NRXN3: variants seen among roughly 807,000 people sequenced by gnomAD.
NRXN3 encodes neurexin III.
NRXN3 carries 32 observed loss-of-function variants against 137.6 expected under a neutral mutation model. The ratio of observed to expected loss-of-function variants is 0.23; its 90% confidence interval spans 0.18 to 0.31. The LOEUF is 0.31. Among genes scored for constraint, NRXN3 ranks in the 10% least tolerant of loss-of-function variants. The pLI is 1.00. For synonymous variants in NRXN3, 798 were observed against 784.5 expected (o/e 1.02, Z -0.29); for missense variants, 1,574 against 2,062.5 (o/e 0.76, Z 4.59).
intron 10 of NRXN3, among the ~76,000 whole-genome samples, chr14:78,828,881 CAG>C (rs1378873879): frequency 6.6e-6 from 1 of 152,084 alleles, no homozygotes; most frequent in Non-Finnish European, 1.5e-5. Flanking sequence ...TAAAATTAAA[CAG>C]AGTAAAGTAA....
intron 15 of NRXN3, among the ~76,000 whole-genome samples, chr14:79,352,582 A>G (rs2093262449): frequency 6.6e-6 from 1 of 152,168 alleles, no homozygotes; most frequent in Non-Finnish European, 1.5e-5. Flanking sequence ...ACTTGGTTAT[A>G]CAATGGCCAA....
chr14:79,705,114 G>T, intron 19 of NRXN3, among the ~76,000 whole-genome samples: 1 of 152,114 alleles, frequency 6.6e-6, no homozygotes, highest in East Asian at 1.9e-4. Flanking sequence ...TTACAGGATG[G>T]AATTTCCACC....
At chr14:79,685,248 C>A (rs533248784) in intron 17 of NRXN3, among the ~76,000 whole-genome samples, 3 of 152,118 alleles carry the variant, frequency 2.0e-5, no homozygotes, top group Non-Finnish European at 4.4e-5. Flanking sequence ...TTAATTCTCA[C>A]CGCAATCCCA....
intron 15 of NRXN3, among the ~76,000 whole-genome samples, chr14:79,464,632 A>G (rs985425315): frequency 4.6e-5 from 7 of 152,148 alleles, no homozygotes; most frequent in African/African-American, 1.7e-4. Context: ...CTTTGTTTTC[A>G]TTCTGCTTTA....
chr14:79,418,604 A>T (rs1759742754), intron 15 of NRXN3, among the ~76,000 whole-genome samples: 2 of 152,154 alleles, frequency 1.3e-5, no homozygotes, highest in African/African-American at 4.8e-5. Context: ...GTGCATCAAC[A>T]CCTGCCCTTG....
intron 2 of NRXN3, among the ~76,000 whole-genome samples, chr14:78,264,733 G>A (rs76474645): frequency 0.01 from 1,578 of 152,306 alleles, 31 homozygotes; most frequent in African/African-American, 0.036. Context: ...GGGGATATTA[G>A]TGTTGTCTAA....
chr14:79,612,658 G>A (rs897410757), intron 16 of NRXN3, among the ~76,000 whole-genome samples: 3 of 152,108 alleles, frequency 2.0e-5, no homozygotes, highest in Non-Finnish European at 4.4e-5. Context: ...AGACCATCCT[G>A]GGCAACACAG....
intron 15 of NRXN3, among the ~76,000 whole-genome samples, chr14:79,011,398 A>AC (rs2099570973): frequency 1.0e-4 from 1 of 9,774 alleles, no homozygotes; most frequent in Non-Finnish European, 2.2e-4. Context: ...ACCTCCCCCC[A>AC]ACCCCACCCC....
intron 3 of NRXN3, among the ~76,000 whole-genome samples, chr14:78,293,201 C>T (rs7144451): frequency 0.16 from 24,819 of 151,908 alleles, 2,121 homozygotes; most frequent in Middle Eastern, 0.26. Flanking sequence ...AATATTTCCC[C>T]ACTCCTCCCA....
chr14:78,191,120 C>T (rs1282201260), intron 1 of NRXN3, among the ~76,000 whole-genome samples: 1 of 152,150 alleles, frequency 6.6e-6, no homozygotes, highest in Non-Finnish European at 1.5e-5. Flanking sequence ...TTGGATAGAG[C>T]TGTAAAACCA....
intron 4 of NRXN3, among the ~76,000 whole-genome samples, chr14:78,341,520 C>T (rs1183365178): frequency 6.6e-6 from 1 of 152,084 alleles, no homozygotes; most frequent in Non-Finnish European, 1.5e-5. Context: ...AAAAAATGAG[C>T]GTGACTGTGT....
At chr14:78,851,084 A>C (rs2152485477) in intron 10 of NRXN3, among the ~76,000 whole-genome samples, 1 of 152,284 alleles carries the variant, frequency 6.6e-6, no homozygotes, top group Middle Eastern at 3.4e-3. Flanking sequence ...GAGAAATATG[A>C]AGTAGGAAAT....
chr14:79,279,735 C>T (rs1023996197), intron 15 of NRXN3: 93 of 987,286 alleles, frequency 9.4e-5, no homozygotes, highest in Non-Finnish European at 1.1e-4. Flanking sequence ...CAGGAACACC[C>T]GAAGAACTCT....
At chr14:79,066,193 A>T (rs1187301124) in intron 15 of NRXN3, among the ~76,000 whole-genome samples, 1 of 152,120 alleles carries the variant, frequency 6.6e-6, no homozygotes, top group Non-Finnish European at 1.5e-5. Flanking sequence ...GCCCAGTTTC[A>T]GTTTTCTGCA....
At chr14:78,958,683 T>A (rs2099402091) in intron 11 of NRXN3, among the ~76,000 whole-genome samples, 1 of 152,194 alleles carries the variant, frequency 6.6e-6, no homozygotes, top group African/African-American at 2.4e-5. Flanking sequence ...AAGTCTTCCC[T>A]CTCTGATATT....
At chr14:79,054,759 TA>T (rs1418918541) in intron 15 of NRXN3, among the ~76,000 whole-genome samples, 1 of 152,198 alleles carries the variant, frequency 6.6e-6, no homozygotes, top group Non-Finnish European at 1.5e-5. Flanking sequence ...TAACAGTTTT[TA>T]ATCTCCTTAA....
chr14:79,661,660 T>A (rs1049573857), intron 16 of NRXN3: 2 of 152,220 alleles, frequency 1.3e-5, no homozygotes, highest in African/African-American at 4.8e-5. Context: ...AACAAATGAC[T>A]AAATCTGAGA....
Position 79,400,792 on chromosome 14 carries a change from C to T in NRXN3, c.3263-66429C>T, listed in dbSNP as rs2095170744. On this transcript the variant is annotated intron_variant, in intron 15 of 20. Coordinates refer to ENST00000335750, the MANE Select transcript of NRXN3 (RefSeq NM_001330195.2). ...TAAGAGTTTATTCTCTTCATTAAAC[C>T]ATTAAAGATTGGAGGTGGCTATTGT... Among the ~76,000 whole-genome samples, 5 of 152,252 alleles carry T rather than the reference C, an allele frequency of 3.3e-5. No individual in the cohort carries two copies. In the South Asian group the frequency reaches 1.0e-3, roughly 32 times the overall value.
At chr14:79,331,680 C>A (rs1294242494) in intron 15 of NRXN3, among the ~76,000 whole-genome samples, 1 of 152,148 alleles carries the variant, frequency 6.6e-6, no homozygotes, top group African/African-American at 2.4e-5. Flanking sequence ...TGCTGAAATT[C>A]CCATGTAAGT....
Sources: allele counts gnomAD v4.1 joint callset (sites outside exome capture counted in the v4.1 genomes callset), GRCh38; gene constraint gnomAD v4.1.1; transcripts MANE v1.5; gene names NCBI Gene and HGNC (gene_info 2026-07-23, HGNC 2026-07-21).